Variants in PTPRT observed in about 807,000 individuals in gnomAD.
PTPRT encodes receptor-type tyrosine-protein phosphatase T.
PTPRT carries 56 observed loss-of-function variants against 176.8 expected under a neutral mutation model. The ratio of observed to expected loss-of-function variants is 0.32; its 90% CI spans 0.26 to 0.40. The LOEUF (loss-of-function observed/expected upper bound fraction) is 0.40, where lower values mean the gene tolerates loss of function less well. Ranked by LOEUF, PTPRT falls within the 10% of genes least tolerant of loss-of-function variation. PTPRT has a pLI of 1.00. For synonymous variants in PTPRT, 783 were observed against 739.0 expected (o/e 1.06, Z -0.96); for missense variants, 1,540 against 1,908.2 (o/e 0.81, Z 3.60).
At chr20:42,521,441 T>A (rs2072174773) in intron 7 of PTPRT, among the ~76,000 whole-genome samples, 1 of 152,216 alleles carries the variant, frequency 6.6e-6, no homozygotes, top group Admixed American at 6.5e-5. Flanking sequence ...TACGTCCATT[T>A]ATTTGATTAT....
intron 7 of PTPRT, among the ~76,000 whole-genome samples, chr20:42,572,307 T>C (rs1277734573): frequency 1.3e-5 from 2 of 152,162 alleles, no homozygotes; most frequent in Non-Finnish European, 2.9e-5. Context: ...GTTCAGACCA[T>C]AGCACATCCT....
chr20:42,844,154 T>C (rs1182627683), intron 2 of PTPRT, among the ~76,000 whole-genome samples: 2 of 152,256 alleles, frequency 1.3e-5, no homozygotes, highest in Admixed American at 6.5e-5. Flanking sequence ...CACTTTCCAT[T>C]CATTATTTCA....
chr20:42,719,286 C>G (rs1272841051), intron 6 of PTPRT, among the ~76,000 whole-genome samples: 1 of 152,026 alleles, frequency 6.6e-6, no homozygotes, highest in East Asian at 1.9e-4. Flanking sequence ...GACTCACTCA[C>G]AAAGAGAAAT....
chr20:42,417,957 C>T (rs1213268092), intron 9 of PTPRT, among the ~76,000 whole-genome samples: 3 of 151,908 alleles, frequency 2.0e-5, no homozygotes, highest in African/African-American at 7.3e-5. Flanking sequence ...CCAGGCTGCT[C>T]GACATTTTTT....
chr20:42,374,097 G>C (rs2058622587), intron 9 of PTPRT, among the ~76,000 whole-genome samples: 1 of 152,176 alleles, frequency 6.6e-6, no homozygotes, highest in Non-Finnish European at 1.5e-5. Context: ...AAATAAAAAA[G>C]CAATGACCTC....
At chr20:43,109,184 G>A (rs1234879444) in intron 1 of PTPRT, among the ~76,000 whole-genome samples, 1 of 152,152 alleles carries the variant, frequency 6.6e-6, no homozygotes, top group Non-Finnish European at 1.5e-5. Flanking sequence ...GCAGTCATGT[G>A]AGCAATAATA....
intron 3 of PTPRT, among the ~76,000 whole-genome samples, chr20:42,786,179 G>A (rs1045812248): frequency 6.6e-6 from 1 of 152,172 alleles, no homozygotes; most frequent in African/African-American, 2.4e-5. Flanking sequence ...GTGGAAGTGT[G>A]AGTCAATTAA....
At chr20:43,071,244 G>A (rs757388614) in intron 1 of PTPRT, among the ~76,000 whole-genome samples, 9 of 151,628 alleles carry the variant, frequency 5.9e-5, no homozygotes, top group Non-Finnish European at 7.4e-5. Flanking sequence ...TCAAAATGTC[G>A]TCCCTACACT....
intron 11 of PTPRT, among the ~76,000 whole-genome samples, chr20:42,332,642 AT>A (rs879417932): frequency 0.011 from 1,623 of 146,978 alleles, 21 homozygotes; most frequent in African/African-American, 0.034. Context: ...TGTGGAAAAC[AT>A]TTTTTTTTTT....
At chr20:42,476,271 A>G (rs1293081591) in intron 7 of PTPRT, among the ~76,000 whole-genome samples, 1 of 152,152 alleles carries the variant, frequency 6.6e-6, no homozygotes, top group East Asian at 1.9e-4. Context: ...ACTCCAGTGG[A>G]AGAGAAAAAA....
chr20:42,622,352 C>T (rs551031966), intron 7 of PTPRT, among the ~76,000 whole-genome samples: 1 of 152,190 alleles, frequency 6.6e-6, no homozygotes, highest in East Asian at 1.9e-4. Flanking sequence ...TGCCATTCTC[C>T]TGCCTCAGCC....
chr20:43,187,074 C>T (rs1195913902), intron 1 of PTPRT, among the ~76,000 whole-genome samples: 1 of 152,160 alleles, frequency 6.6e-6, no homozygotes, highest in African/African-American at 2.4e-5. Flanking sequence ...CGTCGTGGCT[C>T]AAGAAATATG....
At chr20:42,582,881 G>A (rs146736228) in intron 7 of PTPRT, among the ~76,000 whole-genome samples, 44 of 152,164 alleles carry the variant, frequency 2.9e-4, no homozygotes, top group East Asian at 9.7e-4. Flanking sequence ...CTACTGATTC[G>A]TTCATTTCGT....
chr20:42,517,237 T>G (rs1207489380), intron 7 of PTPRT, among the ~76,000 whole-genome samples: 1 of 152,046 alleles, frequency 6.6e-6, no homozygotes, highest in Admixed American at 6.6e-5. Context: ...GCTCAGATTT[T>G]TTTTTCACTA....
At chr20:42,917,867 G>A (rs1978881052) in intron 1 of PTPRT, among the ~76,000 whole-genome samples, 2 of 152,176 alleles carry the variant, frequency 1.3e-5, no homozygotes, top group South Asian at 4.1e-4. Flanking sequence ...AACTTCCGCT[G>A]CTGACACTGG....
the PTPRT span, among the ~76,000 whole-genome samples, chr20:42,065,080 G>A: frequency 6.6e-6 from 1 of 152,202 alleles, no homozygotes; most frequent in South Asian, 2.1e-4. Context: ...CCATACATGT[G>A]AGTCGTCCTG....
chr20:42,774,392 G>A (rs912943585), intron 4 of PTPRT, among the ~76,000 whole-genome samples: 1 of 152,188 alleles, frequency 6.6e-6, no homozygotes, highest in African/African-American at 2.4e-5. Context: ...TCTGAAAGGG[G>A]ACACTGAAAG....
chr20:42,621,872 G>C (rs1190117877), intron 7 of PTPRT, among the ~76,000 whole-genome samples: 1 of 145,108 alleles, frequency 6.9e-6, no homozygotes, highest in African/African-American at 2.7e-5. Context: ...AGTTATGAAA[G>C]AGAACAGCTA....
the PTPRT span, among the ~76,000 whole-genome samples, chr20:42,032,939 C>A: frequency 6.6e-6 from 1 of 152,168 alleles, no homozygotes; most frequent in Non-Finnish European, 1.5e-5. Flanking sequence ...CCTTTAGCTC[C>A]AGTTGAGACT....
Sources: gnomAD v4.1 joint callset for allele counts (sites outside exome capture counted in the v4.1 genomes callset) on GRCh38, gnomAD v4.1.1 for gene constraint, MANE v1.5 for transcripts, NCBI Gene and HGNC (gene_info 2026-07-23, HGNC 2026-07-21) for gene names.